The following MTHFD2L variants were observed in gnomAD, a reference collection of about 807,000 sequenced individuals.
MTHFD2L encodes the protein bifunctional methylenetetrahydrofolate dehydrogenase/cyclohydrolase 2, mitochondrial.
MTHFD2L carries 29 observed loss-of-function variants against 34.9 expected under a neutral mutation model. That is an observed-to-expected ratio of 0.83 (90% CI 0.62 to 1.13). MTHFD2L has a LOEUF of 1.13. Ranked by LOEUF, MTHFD2L falls within the 50% of genes most tolerant of loss-of-function variation. MTHFD2L has a pLI of 0.00. For missense variants in MTHFD2L, 481 were observed against 446.5 expected (o/e 1.08, Z -0.70); for synonymous variants, 167 against 155.7 (o/e 1.07, Z -0.54).
intron 7 of MTHFD2L, among the ~76,000 whole-genome samples, chr4:74,287,045 GTC>G (rs1219582807): frequency 1.3e-5 from 2 of 152,112 alleles, no homozygotes; most frequent in African/African-American, 4.8e-5. Flanking sequence ...AAAGTGGTAA[GTC>G]TTTGTAAAGG....
At chr4:74,268,213 T>C in intron 6 of MTHFD2L, 4 of 982,216 alleles carry the variant, frequency 4.1e-6, no homozygotes, top group Non-Finnish European at 4.8e-6. Context: ...TCTATTTATC[T>C]AGGATGCATT....
upstream of MTHFD2L, among the ~76,000 whole-genome samples, chr4:74,122,179 T>C (rs1721800142): frequency 6.6e-6 from 1 of 152,190 alleles, no homozygotes; most frequent in South Asian, 2.1e-4. Flanking sequence ...GGGGTTGTAT[T>C]CCAAATTGTA....
chr4:74,146,854 T>G (rs1006659042), intron 1 of MTHFD2L, among the ~76,000 whole-genome samples: 1 of 152,088 alleles, frequency 6.6e-6, no homozygotes, highest in Non-Finnish European at 1.5e-5. Context: ...TTTTTCCTCC[T>G]CTGACTGTGT....
chr4:74,149,011 C>A (rs946732133), intron 1 of MTHFD2L, among the ~76,000 whole-genome samples: 8 of 151,736 alleles, frequency 5.3e-5, no homozygotes, highest in Non-Finnish European at 1.2e-4. Flanking sequence ...GTGTATTTTT[C>A]TTCTTATCTT....
intron 6 of MTHFD2L, among the ~76,000 whole-genome samples, chr4:74,232,100 G>A (rs1170820065): frequency 2.0e-5 from 3 of 152,114 alleles, no homozygotes; most frequent in African/African-American, 7.2e-5. Context: ...CTACAACTTA[G>A]CATAACTAAA....
chr4:74,144,997 CATT>C (rs1176858545), intron 1 of MTHFD2L, among the ~76,000 whole-genome samples: 2 of 152,050 alleles, frequency 1.3e-5, no homozygotes, highest in Non-Finnish European at 2.9e-5. Context: ...GCATTGGAAT[CATT>C]AATTAGAGAT....
At chr4:74,219,000 G>A (rs1390689910) in intron 5 of MTHFD2L, among the ~76,000 whole-genome samples, 2 of 151,628 alleles carry the variant, frequency 1.3e-5, no homozygotes, top group Admixed American at 1.3e-4. Context: ...TATAAAAATA[G>A]TATAAAACTA....
intron 6 of MTHFD2L, among the ~76,000 whole-genome samples, chr4:74,236,543 T>C (rs576266865): frequency 1.6e-4 from 25 of 152,354 alleles, no homozygotes; most frequent in African/African-American, 5.8e-4. Context: ...TCCATTCAAC[T>C]TCCCTGGGGC....
At chr4:74,228,999 C>G (rs1326895612) in intron 6 of MTHFD2L, among the ~76,000 whole-genome samples, 1 of 152,156 alleles carries the variant, frequency 6.6e-6, no homozygotes, top group Non-Finnish European at 1.5e-5. Flanking sequence ...GGGAAGAAGT[C>G]CTGTTCCTTG....
chr4:74,148,813 T>C (rs1723763109), intron 1 of MTHFD2L, among the ~76,000 whole-genome samples: 1 of 151,850 alleles, frequency 6.6e-6, no homozygotes, highest in Non-Finnish European at 1.5e-5. Flanking sequence ...CTATCATAAA[T>C]AAACGGAGAA....
intron 3 of MTHFD2L, among the ~76,000 whole-genome samples, chr4:74,185,337 G>A (rs564623816): frequency 1.3e-5 from 2 of 151,774 alleles, no homozygotes; most frequent in East Asian, 1.9e-4. Flanking sequence ...CAGTACTTAA[G>A]GGAAATACAC....
chr4:74,266,130 C>G (rs575805408), intron 6 of MTHFD2L, among the ~76,000 whole-genome samples: 2 of 152,206 alleles, frequency 1.3e-5, no homozygotes, highest in Admixed American at 1.3e-4. Flanking sequence ...TTTTTCATTA[C>G]AACCTTTGAA....
At chr4:74,192,121 G>T (rs971697649) in intron 3 of MTHFD2L, among the ~76,000 whole-genome samples, 3 of 151,972 alleles carry the variant, frequency 2.0e-5, no homozygotes. Flanking sequence ...AGAGGAGGCG[G>T]TTAAAAAATA....
intron 6 of MTHFD2L, among the ~76,000 whole-genome samples, chr4:74,252,214 G>C (rs974619224): frequency 6.6e-6 from 1 of 152,238 alleles, no homozygotes; most frequent in Non-Finnish European, 1.5e-5. Context: ...AGCTAAGCAA[G>C]AACAAGTCTA....
At chr4:74,117,051 A>G (rs757745995) in intron 2 of MTHFD2L, among the ~76,000 whole-genome samples, 6 of 152,244 alleles carry the variant, frequency 3.9e-5, no homozygotes, top group African/African-American at 7.2e-5. Flanking sequence ...ACAATATTCT[A>G]TAACTCCTTT....
chr4:74,292,701 A>G (rs1749108136), intron 7 of MTHFD2L, among the ~76,000 whole-genome samples: 2 of 152,212 alleles, frequency 1.3e-5, no homozygotes, highest in African/African-American at 2.4e-5. Context: ...TACCAGAAAT[A>G]TCATAGCAGT....
At chr4:74,164,826 A>T in intron 1 of MTHFD2L, 1 of 206,048 alleles carries the variant, frequency 4.9e-6, no homozygotes, top group Non-Finnish European at 8.5e-6. Context: ...TCCCTTCTTT[A>T]ATTTTTGCCT....
chr4:74,139,825 C>CT (rs1305739849), intron 1 of MTHFD2L, among the ~76,000 whole-genome samples: 1 of 152,014 alleles, frequency 6.6e-6, no homozygotes, highest in Non-Finnish European at 1.5e-5. Flanking sequence ...CTTTTCATGT[C>CT]TTTTTCATTT....
chr4:74,188,792 GTA>G (rs367550812), intron 3 of MTHFD2L, among the ~76,000 whole-genome samples: 764 of 15,904 alleles, frequency 0.048, 216 homozygotes, highest in South Asian at 0.29. Context: ...ATATATATGG[GTA>G]TATATATATG....
Sources: gnomAD v4.1 joint callset for allele counts (sites outside exome capture counted in the v4.1 genomes callset) on GRCh38, gnomAD v4.1.1 for gene constraint, MANE v1.5 for transcripts, NCBI Gene and HGNC (gene_info 2026-07-23, HGNC 2026-07-21) for gene names.